The following CCND2 variants were observed in gnomAD, a reference collection of about 807,000 sequenced individuals.
The protein encoded by CCND2 is G1/S-specific cyclin-D2.
A neutral mutation model predicts 30.2 loss-of-function variants in CCND2; 6 were observed. The ratio of observed to expected loss-of-function variants is 0.20; its 90% CI spans 0.11 to 0.39. The LOEUF is 0.39. Ranked by LOEUF, CCND2 falls within the 10% of genes least tolerant of loss-of-function variation. The pLI is 1.00. For missense variants in CCND2, 235 were observed against 373.4 expected, an observed-to-expected ratio of 0.63 and a Z score of 3.06; for synonymous variants, 150 against 153.1, an observed-to-expected ratio of 0.98 and a Z score of 0.15.
intron 2 of CCND2, 72 bp from the exon 3 acceptor site, chr12:4,278,688 C>T: frequency 2.6e-6 from 4 of 1,522,660 alleles, no homozygotes; most frequent in African/African-American, 2.7e-5. Flanking sequence ...TGGAGCCCAA[C>T]CCCCAGCCCC....
chr12:4,279,029 A>G, intron 3 of CCND2, 110 bp downstream of exon 3: 1 of 1,140,046 alleles, frequency 8.8e-7, no homozygotes, highest in Non-Finnish European at 1.2e-6. Flanking sequence ...AGTTTGGAGG[A>G]GGGGTGGTCT....
intron 3 of CCND2, among the ~76,000 whole-genome samples, chr12:4,279,894 C>T (rs1009428931): frequency 1.3e-5 from 2 of 151,356 alleles, no homozygotes; most frequent in Admixed American, 6.6e-5. Flanking sequence ...GTAGTTAAAT[C>T]GCTAGGTGGA....
At position 4,293,107 on chromosome 12, in the gene CCND2, A is replaced by G. The variant is rs946251527; in HGVS notation, c.720+4117A>G. ...GGGTTTCCGATTCACTGGTCTGTCC[A>G]TGTCCTTTGAAAAGCTGTGTCTTTT... On this transcript the variant is annotated intron_variant, in intron 4 of 4. Transcript: ENST00000261254. This position sits in a 1 kb window ranked among gnomAD's most constrained non-coding sequence, Gnocchi z 4.9. Among the ~76,000 whole-genome samples, 1 of 152,206 alleles carries G rather than the reference A, an allele frequency of 6.6e-6. No homozygotes were observed. Among genetic ancestry groups the G allele is most frequent in the Non-Finnish European group, 1.5e-5 (1 of 68,028 alleles).
chr12:4,275,951 C>G (rs1863867139), intron 1 of CCND2, 54 bp from the exon 2 acceptor site: 1 of 1,051,792 alleles, frequency 9.5e-7, no homozygotes, highest in Non-Finnish European at 1.4e-6. Flanking sequence ...TTCTCTTTTG[C>G]TGATGCTATG....
Position 4,304,904 on chromosome 12 carries a change from C to T in CCND2, c.*4895C>T, listed in dbSNP as rs2120606892. 4.3e-6 allele frequency: 1 copy of T among 233,608 alleles called. No individual in the cohort carries two copies. Among genetic ancestry groups the T allele is most frequent in the Non-Finnish European group, 8.5e-6 (1 of 118,032 alleles). 14.5% of individuals were successfully genotyped at this position (233,608 alleles called of 1,614,324 possible). A position where few individuals can be genotyped will look rare whatever the true frequency, so the allele number is the denominator to read the frequency against. On this transcript the variant is annotated 3_prime_UTR_variant, in exon 5 of 5. Coordinates refer to ENST00000261254, the MANE Select transcript of CCND2 (RefSeq NM_001759.4). The surrounding 1 kb of genome is among the most constrained non-coding windows in gnomAD (Gnocchi z 6.2). ...GCCATTGGATTTTTTCCATTATGTT[C>T]ATCACCCTTATATCATGTACCTCAG... is the stretch of plus-strand genomic sequence containing the variant.
chr12:4,275,416 C>G (rs1187550592), intron 1 of CCND2: 1 of 150,522 alleles, frequency 6.6e-6, no homozygotes, highest in Admixed American at 6.6e-5. Flanking sequence ...CCATCCCCCC[C>G]TGCTCCGACT....
Position 4,276,075 on chromosome 12 carries a change from C to T in CCND2, c.266C>T (p.Ala89Val), listed in dbSNP as rs2120522735. The T allele has an allele frequency of 6.2e-7, 1 of 1,613,218 alleles. No individual in the cohort carries two copies. The highest frequency in any genetic ancestry group is 8.5e-7 in the Non-Finnish European group (1 of 1,179,934). Reference protein sequence around the residue: ...LAMNYLDRFLAGVPTPKSHLQ... With the variant: ...LAMNYLDRFLVGVPTPKSHLQ... ...ATGAATTACCTGGACCGTTTCTTGG[C>T]TGGGGTCCCGACTCCGAAGTCCCAT... Residue 89 changes from alanine (A) to valine (V), a missense_variant, in exon 2 of 5, where the codon GCT becomes GTT. Coordinates refer to ENST00000261254, the MANE Select transcript of CCND2 (RefSeq NM_001759.4). The surrounding 1 kb of genome is among the most constrained non-coding windows in gnomAD (Gnocchi z 4.8).
In CCND2 at chr12:4,302,613, A is replaced by G. The variant is rs563177199; in HGVS notation, c.*2604A>G. On this transcript the variant is annotated 3_prime_UTR_variant, in exon 5 of 5. Transcript: ENST00000261254. The stretch of plus-strand genomic sequence containing the variant: ...TCTGTCTCAAACTGCGCAGGCAAGC[A>G]CTATGCAAGCCCAGGCCCTCTGCTG... 2 of 233,280 alleles carry G rather than the reference A, an allele frequency of 8.6e-6. No individual in the cohort carries two copies. Among genetic ancestry groups the G allele is most frequent in the Admixed American group, 1.1e-4 (2 of 17,792 alleles). 14.5% of individuals were successfully genotyped at this position (233,280 alleles called of 1,614,324 possible).
At chr12:4,278,629 G>A (rs1439871330) in intron 2 of CCND2, 131 bp from the exon 3 acceptor site, 2 of 743,718 alleles carry the variant, frequency 2.7e-6, no homozygotes, top group African/African-American at 3.5e-5. Flanking sequence ...AAATGGGCCC[G>A]CCTTACAATC....
At chr12:4,288,659 A>G (rs1191872966) in intron 3 of CCND2, among the ~76,000 whole-genome samples, 183 bp from the exon 4 acceptor site, 3 of 152,190 alleles carry the variant, frequency 2.0e-5, no homozygotes, top group African/African-American at 2.4e-5. Flanking sequence ...TGGAACAGCC[A>G]TGGTGATGGC....
At chr12:4,288,128 T>C (rs1038578834) in intron 3 of CCND2, among the ~76,000 whole-genome samples, 1 of 152,178 alleles carries the variant, frequency 6.6e-6, no homozygotes, top group Non-Finnish European at 1.5e-5. Context: ...GCCCTAATGT[T>C]CTGAGGGTTC....
intron 2 of CCND2, among the ~76,000 whole-genome samples, chr12:4,278,132 T>C (rs1009118724): frequency 1.3e-5 from 2 of 152,228 alleles, no homozygotes; most frequent in Non-Finnish European, 2.9e-5. Flanking sequence ...GACAATGGCC[T>C]GTGAAACATT....
chr12:4,273,951 C>A lies in CCND2; in HGVS notation c.-90C>A, dbSNP rs941828491. 5.5e-6 allele frequency: 7 copies of A among 1,276,306 alleles called. No homozygotes were observed. The highest frequency in any genetic ancestry group is 3.0e-5 in the African/African-American group (2 of 67,192). 79.1% of individuals were successfully genotyped at this position (1,276,306 alleles called of 1,614,324 possible). A position where few individuals can be genotyped will look rare whatever the true frequency, so the allele number is the denominator to read the frequency against. ...AGCCAAAGGAAGGAGGTCAGGGGAA[C>A]GCTCTCCCCTCCCCTTCCAAAAAAC... is the stretch of plus-strand genomic sequence containing the variant. On this transcript the variant is annotated 5_prime_UTR_variant, in exon 1 of 5. Coordinates refer to ENST00000261254, the MANE Select transcript of CCND2 (RefSeq NM_001759.4). The surrounding 1 kb of genome is among the most constrained non-coding windows in gnomAD (Gnocchi z 5.9).
intron 3 of CCND2, among the ~76,000 whole-genome samples, chr12:4,281,528 C>T (rs976309589): frequency 1.3e-5 from 2 of 151,952 alleles, no homozygotes; most frequent in African/African-American, 2.4e-5. Context: ...CTCCTCAAAT[C>T]GCACACTTCC....
rs1296438531 is a variant in CCND2 at position 4,282,682 on chromosome 12, C to G, written c.571+3763C>G. ...AGTGTGGTGCTTGCCATCGCTCTTC[C>G]CTCTGGCTGTAAGATGAATGGGTAG... On this transcript the variant is annotated intron_variant, in intron 3 of 4. Coordinates refer to ENST00000261254, the MANE Select transcript of CCND2 (RefSeq NM_001759.4). This position sits in a 1 kb window ranked among gnomAD's most constrained non-coding sequence, Gnocchi z 4.3. Among the ~76,000 whole-genome samples the G allele has an allele frequency of 6.6e-6, 1 of 152,218 alleles. No homozygotes were observed. The highest frequency in any genetic ancestry group is 1.5e-5 in the Non-Finnish European group (1 of 68,036).
Position 4,276,240 on chromosome 12 carries a change from TC to T in CCND2, c.411+23del. On this transcript the variant is annotated intron_variant, in intron 2 of 4. Coordinates refer to ENST00000261254, the MANE Select transcript of CCND2 (RefSeq NM_001759.4). The surrounding 1 kb of genome is among the most constrained non-coding windows in gnomAD (Gnocchi z 4.8). ...CTGCTGGTAATGACCGGCCCCTTCC[TC>T]CCTTCCTTTCTGCGATTCCCGCTTT... is the stretch of plus-strand genomic sequence containing the variant. The T allele has an allele frequency of 6.3e-7, 1 of 1,599,334 alleles. No individual in the cohort carries two copies. Among genetic ancestry groups the T allele is most frequent in the Non-Finnish European group, 8.6e-7 (1 of 1,168,054 alleles).
At chr12:4,297,570 CA>C (rs71061177) in intron 4 of CCND2, among the ~76,000 whole-genome samples, 32,632 of 74,066 alleles carry the variant, frequency 0.44, 3,822 homozygotes, top group Middle Eastern at 0.63. Flanking sequence ...CACTCTGTCT[CA>C]AAAAAAAAAA....
chr12:4,290,617 T>TC (rs3217866), intron 4 of CCND2, among the ~76,000 whole-genome samples: 28,950 of 149,450 alleles, frequency 0.19, 3,403 homozygotes, highest in African/African-American at 0.32. Context: ...TGTAACCTTT[T>TC]CCCCCGATGT....
chr12:4,274,269 G>A lies in CCND2; in HGVS notation c.195+34G>A, dbSNP rs757774242. ...GGGGGTGGCGCTCGCCAGGAGCCAGGACCCCTCCGGATGCTCGGGTCCCCG... is the reference window on the plus strand; with the variant it reads ...GGGGGTGGCGCTCGCCAGGAGCCAGAACCCCTCCGGATGCTCGGGTCCCCG... On this transcript the variant is annotated intron_variant, in intron 1 of 4. Coordinates refer to ENST00000261254, the MANE Select transcript of CCND2 (RefSeq NM_001759.4). The surrounding 1 kb of genome is among the most constrained non-coding windows in gnomAD (Gnocchi z 7.7). The A allele has an allele frequency of 1.2e-6, 2 of 1,604,934 alleles. No individual in the cohort carries two copies. Among genetic ancestry groups the A allele is most frequent in the East Asian group, 2.2e-5 (1 of 44,732 alleles).
Sources: allele counts gnomAD v4.1 joint callset (sites outside exome capture counted in the v4.1 genomes callset), GRCh38; gene constraint gnomAD v4.1.1; non-coding constraint Gnocchi (gnomAD v3.1); transcripts MANE v1.5; gene names NCBI Gene and HGNC (gene_info 2026-07-23, HGNC 2026-07-21).